Variants in RUNX1T1 observed in about 807,000 individuals in gnomAD.
RUNX1T1 encodes RUNX1 partner transcriptional co-repressor 1, also known as protein CBFA2T1.
A neutral mutation model predicts 62.8 loss-of-function variants in RUNX1T1; 4 were observed. The observed-to-expected ratio is 0.06, with a 90% CI of 0.03 to 0.15. RUNX1T1 has a LOEUF of 0.15. RUNX1T1 is among the 10% of genes least tolerant of loss of function. The probability of loss-of-function intolerance (pLI) is 1.00; values close to 1 mark genes in which losing one functional copy is unlikely to be tolerated. For synonymous variants in RUNX1T1, 291 were observed against 286.0 expected (o/e 1.02, Z -0.18); for missense variants, 508 against 754.3 (o/e 0.67, Z 3.82).
chr8:91,986,967 G>A, exon 7 of RUNX1T1: 2 of 1,607,518 alleles, frequency 1.2e-6, no homozygotes, highest in Non-Finnish European at 1.7e-6. Context: ...CGTGTGCCAT[G>A]CAACCCTACA....
downstream of RUNX1T1, chr8:91,955,198 G>C (rs1401762632): frequency 9.1e-6 from 2 of 218,628 alleles, no homozygotes; most frequent in Non-Finnish European, 9.2e-6. Flanking sequence ...AACTAAAACT[G>C]TTTCCTATTT....
exon 11 of RUNX1T1, chr8:91,960,310 G>C: frequency 6.2e-7 from 1 of 1,611,184 alleles, no homozygotes; most frequent in Non-Finnish European, 8.5e-7. Context: ...GCTGCTGGTG[G>C]TGTGTCCATC....
chr8:92,076,121 C>T, exon 2 of RUNX1T1: 1 of 1,551,484 alleles, frequency 6.4e-7, no homozygotes, highest in African/African-American at 1.4e-5. Flanking sequence ...GTTCACCAGC[C>T]CAGAGATCAA....
At chr8:92,048,685 C>T (rs933750508) in intron 1 of RUNX1T1, among the ~76,000 whole-genome samples, 1 of 151,816 alleles carries the variant, frequency 6.6e-6, no homozygotes, top group Non-Finnish European at 1.5e-5. Flanking sequence ...TACTTAAGTA[C>T]ATTGTATCTC....
chr8:92,044,453 AG>A (rs1829032012), intron 1 of RUNX1T1, among the ~76,000 whole-genome samples: 1 of 152,160 alleles, frequency 6.6e-6, no homozygotes, highest in African/African-American at 2.4e-5. Context: ...GAAGACCAAG[AG>A]GGTATAAGTC....
intron 1 of RUNX1T1, among the ~76,000 whole-genome samples, chr8:92,083,389 T>C (rs904301158): frequency 2.0e-5 from 3 of 152,034 alleles, no homozygotes; most frequent in Admixed American, 6.6e-5. Context: ...ACAAGGAACT[T>C]AAACAAATTT....
At chr8:91,998,428 T>C (rs188806235) in intron 5 of RUNX1T1, among the ~76,000 whole-genome samples, 1 of 152,182 alleles carries the variant, frequency 6.6e-6, no homozygotes, top group African/African-American at 2.4e-5. Flanking sequence ...GCACCTTTAA[T>C]CTCTCCATTG....
chr8:92,019,421 G>C (rs73698215), intron 1 of RUNX1T1, among the ~76,000 whole-genome samples: 391 of 152,114 alleles, frequency 2.6e-3, no homozygotes, highest in African/African-American at 8.9e-3. Context: ...AGAGCAGGAG[G>C]GGGAGGGGAA....
rs960114033 is a variant in RUNX1T1, at chr8:92,024,283, TG to T, written c.8-6921del. On this transcript the variant is annotated intron_variant, in intron 1 of 10. Coordinates refer to ENST00000396218, the Ensembl canonical transcript of RUNX1T1. The stretch of plus-strand genomic sequence containing the variant: ...CAGCATTTTGTGAGGTTGAGGTGGG[TG>T]GACCACTTGAGTACTGGAGTTCAAG... Among the ~76,000 whole-genome samples the T allele has an allele frequency of 9.2e-5, 14 of 151,818 alleles. 1 individual carries two copies. The highest frequency in any genetic ancestry group is 3.4e-4 in the African/African-American group (14 of 41,424).
At chr8:92,091,395 C>G (rs1418925932) in intron 1 of RUNX1T1, among the ~76,000 whole-genome samples, 2 of 152,190 alleles carry the variant, frequency 1.3e-5, no homozygotes, top group African/African-American at 2.4e-5. Context: ...GTTTTAAGCT[C>G]TTTCAAACAA....
At chr8:92,009,460 A>T (rs1457938678) in intron 4 of RUNX1T1, among the ~76,000 whole-genome samples, 11 of 152,186 alleles carry the variant, frequency 7.2e-5, no homozygotes, top group Non-Finnish European at 1.5e-4. Context: ...GATTCCAATG[A>T]TCCCAACTAA....
At chr8:92,095,269 GCCTCCCCACGCCC>G in intron 1 of RUNX1T1, 7 of 1,515,878 alleles carry the variant, frequency 4.6e-6, no homozygotes, top group Non-Finnish European at 6.2e-6. Flanking sequence ...GAGAAAAGCC[GCCTCCCCACGCCC>G]CCCTTCCTCC....
exon 11 of RUNX1T1, chr8:91,960,464 T>C: frequency 6.2e-7 from 1 of 1,614,238 alleles, no homozygotes; most frequent in South Asian, 1.1e-5. Flanking sequence ...AGTATCGGGC[T>C]GTGTTACAGC....
At chr8:91,984,613 CTA>C (rs1259029081) in intron 8 of RUNX1T1, among the ~76,000 whole-genome samples, 2 of 152,148 alleles carry the variant, frequency 1.3e-5, no homozygotes, top group African/African-American at 4.8e-5. Flanking sequence ...ATAAGCCAAA[CTA>C]GATGTTTTAA....
chr8:92,088,690 T>G (rs1836516262), intron 1 of RUNX1T1, among the ~76,000 whole-genome samples: 1 of 152,208 alleles, frequency 6.6e-6, no homozygotes, highest in Non-Finnish European at 1.5e-5. Flanking sequence ...CCAGATACTC[T>G]TTATAATAAC....
intron 10 of RUNX1T1, among the ~76,000 whole-genome samples, chr8:91,967,208 T>A (rs1811819386): frequency 6.6e-6 from 1 of 152,178 alleles, no homozygotes. Flanking sequence ...TAGGTCGTCT[T>A]ATTTCATCTC....
At chr8:92,025,848 T>C (rs1235408458) in intron 1 of RUNX1T1, among the ~76,000 whole-genome samples, 1 of 152,206 alleles carries the variant, frequency 6.6e-6, no homozygotes, top group African/African-American at 2.4e-5. Flanking sequence ...AAGATAAATC[T>C]AGAAAAATAC....
At chr8:91,984,905 TAA>T (rs1369499249) in intron 8 of RUNX1T1, among the ~76,000 whole-genome samples, 1 of 152,184 alleles carries the variant, frequency 6.6e-6, no homozygotes, top group Non-Finnish European at 1.5e-5. Flanking sequence ...GCTTGTTAGG[TAA>T]ATTAACTGCC....
intron 1 of RUNX1T1, among the ~76,000 whole-genome samples, chr8:92,052,046 C>G (rs987453126): frequency 3.9e-5 from 6 of 152,142 alleles, no homozygotes; most frequent in Non-Finnish European, 8.8e-5. Flanking sequence ...GAGGCAGAGG[C>G]CACAAAGCGT....
Sources: allele counts gnomAD v4.1 joint callset (sites outside exome capture counted in the v4.1 genomes callset), GRCh38; gene constraint gnomAD v4.1.1; transcripts MANE v1.5; gene names NCBI Gene and HGNC (gene_info 2026-07-23, HGNC 2026-07-21).